The following GLRX variants were observed in gnomAD, a reference collection of about 807,000 sequenced individuals.
GLRX encodes glutaredoxin-1.
GLRX carries 9 observed loss-of-function variants against 11.1 expected under a neutral mutation model. That is an observed-to-expected ratio of 0.81 (90% CI 0.49 to 1.42). The LOEUF (loss-of-function observed/expected upper bound fraction) is 1.42. Among genes scored for constraint, GLRX ranks in the 40% most tolerant of loss-of-function variants. The probability of loss-of-function intolerance (pLI) is 0.00; values close to 1 mark genes in which losing one functional copy is unlikely to be tolerated. For missense variants in GLRX, 102 were observed against 126.2 expected (o/e 0.81, Z 0.92); for synonymous variants, 49 against 49.5 (o/e 0.99, Z 0.04).
intron 1 of GLRX, chr5:95,817,397 A>G (rs142563974): frequency 6.6e-6 from 1 of 152,548 alleles, no homozygotes; most frequent in East Asian, 1.9e-4. Context: ...CCTGGACGAC[A>G]GAGCAAAACA....
intron 2 of GLRX, among the ~76,000 whole-genome samples, chr5:95,815,197 C>T (rs181642204): frequency 1.3e-5 from 2 of 152,282 alleles, no homozygotes. Flanking sequence ...GGAGAAATAA[C>T]ATTTCCCATC....
chr5:95,819,897 CAAAAAAAAAAAA>C (rs35347478), intron 1 of GLRX, among the ~76,000 whole-genome samples: 4 of 54,176 alleles, frequency 7.4e-5, no homozygotes, highest in Middle Eastern at 0.019. Context: ...GACTCCGTCT[CAAAAAAAAAAAA>C]AAAAAAAAAA....
At chr5:95,820,896 G>A (rs1035986327) in intron 1 of GLRX, among the ~76,000 whole-genome samples, 37 of 151,234 alleles carry the variant, frequency 2.4e-4, no homozygotes, top group African/African-American at 8.8e-4. Flanking sequence ...TAGGTGGATC[G>A]CCTGAGGTCA....
Position 95,814,018 on chromosome 5 carries a change from T to C in GLRX, c.*378A>G, listed in dbSNP as rs894628863. ...TTTTATTAGAAAAGAAATTAAGTGT[T>C]GTCACTAGAGATTGAAGGAAATTAA... On this transcript the variant is annotated 3_prime_UTR_variant, in exon 3 of 3. Transcript: ENST00000237858. 2 of 152,236 alleles carry C rather than the reference T, an allele frequency of 1.3e-5. No individual in the cohort carries two copies. The highest frequency in any genetic ancestry group is 6.5e-5 in the Admixed American group (1 of 15,282). 9.4% of individuals were successfully genotyped at this position (152,236 alleles called of 1,614,324 possible). A position where few individuals can be genotyped will look rare whatever the true frequency, so the allele number is the denominator to read the frequency against.
chr5:95,814,613 C>G (rs1421032580), intron 2 of GLRX: 1 of 152,454 alleles, frequency 6.6e-6, no homozygotes, highest in Non-Finnish European at 1.5e-5. Context: ...GAGAAGGAGT[C>G]TGGATAAACA....
intron 1 of GLRX, among the ~76,000 whole-genome samples, chr5:95,820,987 G>A (rs1747213652): frequency 6.6e-6 from 1 of 151,962 alleles, no homozygotes; most frequent in African/African-American, 2.4e-5. Context: ...ATGGTGGTGG[G>A]CGCCTGTAAT....
intron 2 of GLRX, among the ~76,000 whole-genome samples, chr5:95,815,653 G>C (rs992737301): frequency 1.3e-5 from 2 of 152,188 alleles, no homozygotes; most frequent in African/African-American, 2.4e-5. Context: ...CTGGGGAACT[G>C]GGGGAGGGAG....
At chr5:95,820,670 G>A (rs1402794455) in intron 1 of GLRX, among the ~76,000 whole-genome samples, 2 of 138,074 alleles carry the variant, frequency 1.4e-5, no homozygotes, top group East Asian at 2.2e-4. Context: ...CAGCCTGGGC[G>A]ACAAGAGCGA....
intron 1 of GLRX, among the ~76,000 whole-genome samples, chr5:95,821,591 A>G (rs1277074055): frequency 6.6e-6 from 1 of 152,224 alleles, no homozygotes; most frequent in Non-Finnish European, 1.5e-5. Context: ...CGTGCATCGT[A>G]AAAGAGAACT....
chr5:95,821,566 C>G (rs1181997568), intron 1 of GLRX, among the ~76,000 whole-genome samples: 1 of 152,262 alleles, frequency 6.6e-6, no homozygotes, highest in Non-Finnish European at 1.5e-5. Flanking sequence ...TGGCCTAACA[C>G]TGTGCTGTAG....
intron 1 of GLRX, 46 bp downstream of exon 1, chr5:95,822,410 A>C: frequency 6.8e-7 from 1 of 1,474,940 alleles, no homozygotes; most frequent in Non-Finnish European, 9.5e-7. Flanking sequence ...CTGACAAGAA[A>C]AGGCAATCCG....
chr5:95,820,004 C>T (rs1747166982), intron 1 of GLRX, among the ~76,000 whole-genome samples: 2 of 151,350 alleles, frequency 1.3e-5, no homozygotes, highest in African/African-American at 4.9e-5. Flanking sequence ...GCTTGTTCTT[C>T]CCCTAGGAGG....
In GLRX at chr5:95,813,865, CTT is replaced by C. The variant is rs1255682723; in HGVS notation, c.*529_*530del. ...CTCAGTGAGTGACAGCAGCACGTGT[CTT>C]TATTTATAATGGCAGGGCCAAATAT... On this transcript the variant is annotated 3_prime_UTR_variant, in exon 3 of 3. Transcript: ENST00000237858. 1.3e-5 allele frequency: 2 copies of C among 152,208 alleles called. No homozygotes were observed. Among genetic ancestry groups the C allele is most frequent in the Non-Finnish European group, 2.9e-5 (2 of 68,030 alleles). The allele number at this position is 152,208 out of a possible 1,614,324, so 9.4% of individuals were successfully genotyped here.
In GLRX at chr5:95,822,560, G is replaced by A. The variant is rs757766891; in HGVS notation, c.103C>T (p.Gln35Ter). 2 of 1,613,580 alleles carry A rather than the reference G, an allele frequency of 1.2e-6. No homozygotes were observed. The highest frequency in any genetic ancestry group is 2.7e-5 in the African/African-American group (2 of 74,912). The change falls in exon 1 of 3, where the codon CAA (glutamine) becomes TAA (stop). Residue 35 changes from glutamine to a stop codon, truncating the protein, a stop_gained. Transcript: ENST00000237858. LOFTEE classifies it high-confidence loss of function. ...AGAAGCCCTTGTTTGATGGGCAATTGACTGAGGATCTCTTGGGCCCTCCTG... is the reference window on the plus strand; with the variant it reads ...AGAAGCCCTTGTTTGATGGGCAATTAACTGAGGATCTCTTGGGCCCTCCTG... ...YCRRAQEILSQLPIKQGLLEF... is the reference protein window; with the variant it reads ...YCRRAQEILS
At chr5:95,814,580 C>A (rs888704880) in intron 2 of GLRX, 191 bp from the exon 3 acceptor site, 1 of 152,532 alleles carries the variant, frequency 6.6e-6, no homozygotes, top group Non-Finnish European at 1.5e-5. Flanking sequence ...TAGCAGATAA[C>A]CAACTGTGGA....
At chr5:95,816,680 T>G in intron 1 of GLRX, 54 bp from the exon 2 acceptor site, 1 of 891,328 alleles carries the variant, frequency 1.1e-6, no homozygotes, top group Non-Finnish European at 1.9e-6. Flanking sequence ...AGACAGAACA[T>G]TTCTATCCTA....
In GLRX at chr5:95,822,653, C is replaced by A; in HGVS notation, c.10G>T (p.Glu4Ter). The part of the protein sequence containing the change: MAQ[E>*]FVNCKIQPGK... ...GGCTGGATTTTGCAGTTCACAAACTCTTGAGCCATGCCGATGGGCTGCGGT... is the reference window on the plus strand; with the variant it reads ...GGCTGGATTTTGCAGTTCACAAACTATTGAGCCATGCCGATGGGCTGCGGT... Residue 4 changes from glutamate (E) to a stop codon, truncating the protein, a stop_gained, in exon 1 of 3, where the codon GAG becomes TAG. Coordinates refer to ENST00000237858, the MANE Select transcript of GLRX (RefSeq NM_001118890.2). LOFTEE classifies it high-confidence loss of function. 4 of 1,613,838 alleles carry A rather than the reference C, an allele frequency of 2.5e-6. No individual in the cohort carries two copies. Among genetic ancestry groups the A allele is most frequent in the Non-Finnish European group, 2.5e-6 (3 of 1,179,764 alleles).
At chr5:95,816,846 T>C in intron 1 of GLRX, 1 of 397,396 alleles carries the variant, frequency 2.5e-6, no homozygotes, top group South Asian at 2.8e-5. Context: ...TTGTGTGCTA[T>C]GCATGAGCTT....
chr5:95,820,352 TAAAA>T (rs58201790), intron 1 of GLRX, among the ~76,000 whole-genome samples: 13 of 79,604 alleles, frequency 1.6e-4, no homozygotes, highest in Non-Finnish European at 2.7e-4. Context: ...CTCTGTCTCT[TAAAA>T]AAAAAAAAAA....
Sources: gnomAD v4.1 joint callset for allele counts (sites outside exome capture counted in the v4.1 genomes callset) on GRCh38, gnomAD v4.1.1 for gene constraint, MANE v1.5 for transcripts, NCBI Gene and HGNC (gene_info 2026-07-23, HGNC 2026-07-21) for gene names.